Variants in SPATA16 observed in about 807,000 individuals in gnomAD.
SPATA16 encodes spermatogenesis-associated protein 16.
A neutral mutation model predicts 63.3 loss-of-function variants in SPATA16; 36 were observed. That is an observed-to-expected ratio of 0.57 (90% CI 0.44 to 0.75). The LOEUF is 0.75. Ranked by LOEUF, SPATA16 falls within the 30% of genes least tolerant of loss-of-function variation. The pLI is 0.00. For missense variants in SPATA16, 646 were observed against 679.3 expected (o/e 0.95, Z 0.54); for synonymous variants, 203 against 216.7 (o/e 0.94, Z 0.56).
At chr3:173,062,516 C>T (rs1005584457) in intron 2 of SPATA16, among the ~76,000 whole-genome samples, 19 of 152,088 alleles carry the variant, frequency 1.2e-4, no homozygotes, top group East Asian at 1.9e-4. Flanking sequence ...AATATATACA[C>T]GGTATCTTAT....
At chr3:172,948,922 C>G (rs1298577528) in intron 6 of SPATA16, among the ~76,000 whole-genome samples, 3 of 152,130 alleles carry the variant, frequency 2.0e-5, no homozygotes, top group Non-Finnish European at 2.9e-5. Context: ...AGCATCTACT[C>G]TATGATTTCA....
At chr3:173,119,448 T>C (rs565941528) in intron 1 of SPATA16, among the ~76,000 whole-genome samples, 1 of 152,322 alleles carries the variant, frequency 6.6e-6, no homozygotes, top group African/African-American at 2.4e-5. Context: ...TGGACACATA[T>C]GTTGTCAGAA....
intron 5 of SPATA16, among the ~76,000 whole-genome samples, chr3:172,964,625 T>C (rs753720368): frequency 1.3e-5 from 2 of 152,224 alleles, no homozygotes; most frequent in Non-Finnish European, 2.9e-5. Flanking sequence ...TCATTGTGCA[T>C]TTCATCTCTA....
At chr3:173,010,435 CGTGTGTGTGTGTGTGTGTGT>C (rs66547523) in intron 4 of SPATA16, among the ~76,000 whole-genome samples, 1 of 141,310 alleles carries the variant, frequency 7.1e-6, no homozygotes, top group Non-Finnish European at 1.5e-5. Flanking sequence ...CACGTTGTGG[CGTGTGTGTGTGTGTGTGTGT>C]GTGTGTGTGT....
At chr3:173,115,965 A>G (rs1737888643) in intron 2 of SPATA16, among the ~76,000 whole-genome samples, 1 of 150,840 alleles carries the variant, frequency 6.6e-6, no homozygotes, top group African/African-American at 2.4e-5. Flanking sequence ...TAATTATAGC[A>G]CACTGCACTC....
At chr3:172,901,864 C>T (rs1244086964) in intron 10 of SPATA16, among the ~76,000 whole-genome samples, 1 of 152,162 alleles carries the variant, frequency 6.6e-6, no homozygotes, top group African/African-American at 2.4e-5. Flanking sequence ...AGAAGACTCA[C>T]TACCATTGCT....
At chr3:173,006,069 T>C (rs753276653) in intron 4 of SPATA16, among the ~76,000 whole-genome samples, 1 of 152,186 alleles carries the variant, frequency 6.6e-6, no homozygotes, top group Non-Finnish European at 1.5e-5. Context: ...TACCTAAATA[T>C]TGGATGAGCT....
intron 2 of SPATA16, among the ~76,000 whole-genome samples, chr3:173,066,266 A>T (rs1217548667): frequency 6.6e-6 from 1 of 152,218 alleles, no homozygotes; most frequent in Non-Finnish European, 1.5e-5. Flanking sequence ...ACAGAATTCA[A>T]CATCTGCTGA....
At chr3:173,017,939 C>T (rs11916646) in intron 4 of SPATA16, among the ~76,000 whole-genome samples, 10,528 of 152,040 alleles carry the variant, frequency 0.069, 1,260 homozygotes, top group African/African-American at 0.24. Context: ...ATTCATACTG[C>T]GAGGAAACAT....
intron 3 of SPATA16, among the ~76,000 whole-genome samples, chr3:173,029,248 T>C (rs188320048): frequency 6.6e-6 from 1 of 152,130 alleles, no homozygotes; most frequent in African/African-American, 2.4e-5. Context: ...TTTCTTATAA[T>C]GCATTATCCA....
At chr3:172,924,128 T>C in intron 8 of SPATA16, 80 bp downstream of exon 8, 1 of 1,185,842 alleles carries the variant, frequency 8.4e-7, no homozygotes, top group Non-Finnish European at 1.2e-6. Flanking sequence ...ACTTGCACTA[T>C]TTGCCATGTA....
intron 2 of SPATA16, among the ~76,000 whole-genome samples, chr3:173,057,263 C>T (rs1213202447): frequency 5.9e-5 from 9 of 151,880 alleles, no homozygotes; most frequent in African/African-American, 9.7e-5. Flanking sequence ...AGGTGCCCGC[C>T]GCCACGCCTG....
chr3:173,097,954 T>C (rs924879120), intron 2 of SPATA16, among the ~76,000 whole-genome samples: 1 of 152,116 alleles, frequency 6.6e-6, no homozygotes, highest in Non-Finnish European at 1.5e-5. Flanking sequence ...AAATTAATTT[T>C]GGTACTATGT....
Position 172,904,593 on chromosome 3 carries a change from G to A in SPATA16, c.1587+9068C>T, listed in dbSNP as rs554558271. On this transcript the variant is annotated intron_variant, in intron 10 of 10. Transcript: ENST00000351008. ...TAAAAGAGGTGTTTCCAGTTTTGGA[G>A]GCAAGGCCAACTACAGGTGCAAAGT... Among the ~76,000 whole-genome samples the A allele has an allele frequency of 3.3e-5, 5 of 152,352 alleles. No homozygotes were observed. The South Asian group carries it at 6.2e-4, about 19-fold the overall frequency.
intron 3 of SPATA16, among the ~76,000 whole-genome samples, chr3:173,024,933 T>C (rs1167902558): frequency 6.6e-6 from 1 of 150,848 alleles, no homozygotes; most frequent in African/African-American, 2.4e-5. Context: ...GACCATATCC[T>C]TAAGAATGAT....
intron 6 of SPATA16, among the ~76,000 whole-genome samples, chr3:172,931,214 C>T (rs1732863373): frequency 6.6e-6 from 1 of 152,210 alleles, no homozygotes; most frequent in Admixed American, 6.5e-5. Flanking sequence ...TCTTAATCCT[C>T]TTCAAGATCC....
In SPATA16 at chr3:173,069,123, A is replaced by G. The variant is rs922337066; in HGVS notation, c.613-20029T>C. On this transcript the variant is annotated intron_variant, in intron 2 of 10. Coordinates refer to ENST00000351008, the MANE Select transcript of SPATA16 (RefSeq NM_031955.6). ...AGACTCCGTCTCAAGAAAAAAAAAA[A>G]AAAGAAAGAAAGAAATACAGTTCAT... is the stretch of plus-strand genomic sequence containing the variant. 6.6e-5 allele frequency among the ~76,000 whole-genome samples: 10 copies of G among 151,368 alleles called. 1 individual carries two copies. Among genetic ancestry groups the G allele is most frequent in the Non-Finnish European group, 8.8e-5 (6 of 67,912 alleles).
chr3:172,937,359 G>A (rs1225079961), intron 6 of SPATA16, among the ~76,000 whole-genome samples: 4 of 152,132 alleles, frequency 2.6e-5, no homozygotes, highest in African/African-American at 4.8e-5. Flanking sequence ...GGAATTTAGC[G>A]GTGAATCTGA....
intron 6 of SPATA16, among the ~76,000 whole-genome samples, chr3:172,956,169 G>GA (rs1165580210): frequency 1.3e-5 from 2 of 152,068 alleles, no homozygotes; most frequent in Non-Finnish European, 2.9e-5. Flanking sequence ...TGAAAAAGGG[G>GA]AAAAAACCTA....
Sources: allele counts gnomAD v4.1 joint callset (sites outside exome capture counted in the v4.1 genomes callset), GRCh38; gene constraint gnomAD v4.1.1; transcripts MANE v1.5; gene names NCBI Gene and HGNC (gene_info 2026-07-23, HGNC 2026-07-21).